MGAT5: variants seen among roughly 807,000 people sequenced by gnomAD.
The protein encoded by MGAT5 is alpha-1,6-mannosylglycoprotein 6-beta-N-acetylglucosaminyltransferase.
A neutral mutation model predicts 94.3 loss-of-function variants in MGAT5; 30 were observed. The observed-to-expected ratio is 0.32, with a 90% CI of 0.24 to 0.43. MGAT5 has a LOEUF of 0.43. MGAT5 is among the 20% of genes least tolerant of loss of function. The pLI is 1.00. For synonymous variants in MGAT5, 310 were observed against 322.9 expected (o/e 0.96, Z 0.43); for missense variants, 691 against 905.5 (o/e 0.76, Z 3.04).
intron 4 of MGAT5, among the ~76,000 whole-genome samples, chr2:134,330,554 AGTGT>A (rs34688054): frequency 2.7e-5 from 4 of 148,596 alleles, no homozygotes; most frequent in African/African-American, 1.0e-4. Context: ...TAAATTGTGT[AGTGT>A]GTGTGTGTGT....
At chr2:134,435,912 C>T (rs1685143726) in intron 14 of MGAT5, among the ~76,000 whole-genome samples, 2 of 152,146 alleles carry the variant, frequency 1.3e-5, no homozygotes, top group Admixed American at 1.3e-4. Flanking sequence ...ATGGGACTGG[C>T]ACTTATGGGA....
intron 1 of MGAT5, among the ~76,000 whole-genome samples, chr2:134,184,058 G>A (rs944289586): frequency 1.2e-4 from 19 of 152,124 alleles, no homozygotes; most frequent in African/African-American, 3.9e-4. Context: ...TCTAGCCATC[G>A]TCTCTAATTA....
At chr2:134,203,493 G>A (rs1229098578) in intron 1 of MGAT5, among the ~76,000 whole-genome samples, 2 of 151,432 alleles carry the variant, frequency 1.3e-5, no homozygotes, top group African/African-American at 4.9e-5. Flanking sequence ...TACATTAAAT[G>A]TTTTTTTTCC....
chr2:134,355,771 G>A (rs578194551), intron 9 of MGAT5, among the ~76,000 whole-genome samples: 6 of 152,070 alleles, frequency 3.9e-5, no homozygotes, highest in Non-Finnish European at 5.9e-5. Context: ...TTACAACTTC[G>A]TCTGGCTTGT....
At chr2:134,280,749 C>G (rs2105713343) in intron 2 of MGAT5, among the ~76,000 whole-genome samples, 1 of 152,288 alleles carries the variant, frequency 6.6e-6, no homozygotes, top group Non-Finnish European at 1.5e-5. Flanking sequence ...AGGATAAGAG[C>G]CTGTACCATG....
intron 9 of MGAT5, 119 bp from the exon 10 acceptor site, chr2:134,362,156 C>G: frequency 8.2e-7 from 1 of 1,212,468 alleles, no homozygotes; most frequent in Non-Finnish European, 1.2e-6. Context: ...TAAGAAAGAA[C>G]AGGGTAAGAT....
intron 9 of MGAT5, among the ~76,000 whole-genome samples, chr2:134,360,052 G>A (rs921735675): frequency 6.6e-6 from 1 of 152,188 alleles, no homozygotes; most frequent in Admixed American, 6.5e-5. Flanking sequence ...CTCATTAAAC[G>A]TGGTGATACT....
intron 1 of MGAT5, among the ~76,000 whole-genome samples, chr2:134,228,065 C>A (rs1160299786): frequency 6.6e-6 from 1 of 152,112 alleles, no homozygotes; most frequent in African/African-American, 2.4e-5. Flanking sequence ...AAGGAGCAAT[C>A]TTTTTGATAA....
chr2:134,366,655 A>C (rs1011353502), intron 10 of MGAT5, among the ~76,000 whole-genome samples: 24 of 152,242 alleles, frequency 1.6e-4, no homozygotes, highest in African/African-American at 5.5e-4. Context: ...TGCACACATC[A>C]CCTGAGGATC....
At position 134,256,860 on chromosome 2, in the gene MGAT5, A is replaced by G. The variant is rs80340837; in HGVS notation, c.241+2216A>G. ...CACTGCTAGTTTTCTCTTTCATCGAATCAACTTTAACGTATCAAAGTGGTT... is the reference window on the plus strand; with the variant it reads ...CACTGCTAGTTTTCTCTTTCATCGAGTCAACTTTAACGTATCAAAGTGGTT... On this transcript the variant is annotated intron_variant, in intron 1 of 15. Coordinates refer to ENST00000281923, the MANE Select transcript of MGAT5 (RefSeq NM_002410.5). 5.9e-5 allele frequency among the ~76,000 whole-genome samples: 9 copies of G among 152,366 alleles called. No individual in the cohort carries two copies. The East Asian group carries it at 1.7e-3, about 29-fold the overall frequency.
Position 134,181,726 on chromosome 2 carries a change from C to A in MGAT5, c.-143+61435C>A, listed in dbSNP as rs1170840686. ...ACACCTCAGATTAGTACACTTCTTA[C>A]ACCTTAATTATTGCATGCCACATGA... On this transcript the variant is annotated intron_variant, in intron 1 of 16. Coordinates refer to the MGAT5 transcript ENST00000409645. 2.0e-5 allele frequency among the ~76,000 whole-genome samples: 3 copies of A among 152,278 alleles called. No homozygotes were observed. In the East Asian group the frequency reaches 5.8e-4, roughly 29 times the overall value.
intron 14 of MGAT5, among the ~76,000 whole-genome samples, chr2:134,437,368 G>A (rs1484449801): frequency 6.6e-6 from 1 of 151,592 alleles, no homozygotes; most frequent in Non-Finnish European, 1.5e-5. Context: ...AGTTTCTAAA[G>A]AGTCTTCAAA....
At chr2:134,240,619 G>A (rs1255024406) in intron 1 of MGAT5, among the ~76,000 whole-genome samples, 2 of 152,168 alleles carry the variant, frequency 1.3e-5, no homozygotes, top group Non-Finnish European at 2.9e-5. Context: ...ATTAGGAAAA[G>A]TTAAATTGAA....
chr2:134,326,000 A>G (rs1431668100), intron 4 of MGAT5, among the ~76,000 whole-genome samples: 2 of 150,154 alleles, frequency 1.3e-5, no homozygotes, highest in African/African-American at 4.9e-5. Flanking sequence ...ATGGTATTAT[A>G]TACTTGAGTT....
At chr2:134,138,494 T>G (rs1202723688) in intron 1 of MGAT5, among the ~76,000 whole-genome samples, 1 of 152,192 alleles carries the variant, frequency 6.6e-6, no homozygotes, top group African/African-American at 2.4e-5. Context: ...CATTACCATT[T>G]TATAGACCAT....
At chr2:134,373,695 T>A (rs1206759541) in intron 10 of MGAT5, among the ~76,000 whole-genome samples, 1 of 152,196 alleles carries the variant, frequency 6.6e-6, no homozygotes, top group Non-Finnish European at 1.5e-5. Flanking sequence ...TGTTCAATAC[T>A]GAGATACCGG....
chr2:134,272,523 G>T (rs1684095092), intron 2 of MGAT5, among the ~76,000 whole-genome samples: 1 of 152,096 alleles, frequency 6.6e-6, no homozygotes, highest in Non-Finnish European at 1.5e-5. Flanking sequence ...GAATACACAT[G>T]CATAAAATGA....
intron 1 of MGAT5, among the ~76,000 whole-genome samples, chr2:134,239,081 G>A (rs528772827): frequency 9.2e-5 from 14 of 152,244 alleles, no homozygotes; most frequent in African/African-American, 2.4e-4. Flanking sequence ...TCACTGCAAC[G>A]TCTGACTCTC....
intron 1 of MGAT5, among the ~76,000 whole-genome samples, chr2:134,263,948 A>G (rs1346446395): frequency 6.7e-6 from 1 of 149,556 alleles, no homozygotes; most frequent in African/African-American, 2.5e-5. Context: ...ATGTGTGTAT[A>G]TGTGTATATA....
Sources: gnomAD v4.1 joint callset for allele counts (sites outside exome capture counted in the v4.1 genomes callset) on GRCh38, gnomAD v4.1.1 for gene constraint, MANE v1.5 for transcripts, NCBI Gene and HGNC (gene_info 2026-07-23, HGNC 2026-07-21) for gene names.